CTBP2: variants seen among roughly 807,000 people sequenced by gnomAD.
CTBP2 encodes C-terminal-binding protein 2.
In CTBP2, 30 loss-of-function variants were observed where a neutral mutation model predicts 80.3. The observed-to-expected ratio is 0.37, with a 90% CI of 0.28 to 0.51. The LOEUF (loss-of-function observed/expected upper bound fraction) is 0.51, where lower values mean the gene tolerates loss of function less well. Among genes scored for constraint, CTBP2 ranks in the 20% least tolerant of loss-of-function variants. CTBP2 has a pLI of 0.93. For missense variants in CTBP2, 1,212 were observed against 1,375.3 expected (o/e 0.88, Z 1.88); for synonymous variants, 594 against 587.4 (o/e 1.01, Z -0.16).
intron 2 of CTBP2, among the ~76,000 whole-genome samples, chr10:125,098,978 T>C (rs1850191609): frequency 6.6e-6 from 1 of 152,192 alleles, no homozygotes; most frequent in Non-Finnish European, 1.5e-5. Flanking sequence ...CAAGCTCACC[T>C]GACTGAGCAT....
chr10:125,098,716 GAGAGAGAC>G (rs1850058197), intron 2 of CTBP2, among the ~76,000 whole-genome samples: 75 of 126,380 alleles, frequency 5.9e-4, no homozygotes, highest in East Asian at 1.4e-3. Context: ...GACAGAGAGA[GAGAGAGAC>G]AGAGAGAGAG....
intron 1 of CTBP2, among the ~76,000 whole-genome samples, chr10:125,135,377 A>C (rs1856828604): frequency 6.6e-6 from 1 of 152,168 alleles, no homozygotes; most frequent in South Asian, 2.1e-4. Context: ...CCCTTGAGAC[A>C]CTGGAAAGCC....
chr10:125,149,263 C>T (rs985288468), intron 1 of CTBP2, among the ~76,000 whole-genome samples: 2 of 152,208 alleles, frequency 1.3e-5, no homozygotes, highest in Non-Finnish European at 2.9e-5. Context: ...AAGCAACAGC[C>T]TCTGAGAAAG....
At chr10:124,992,195 CTCTT>C (rs1952739613) in intron 8 of CTBP2, among the ~76,000 whole-genome samples, 1 of 143,956 alleles carries the variant, frequency 6.9e-6, no homozygotes, top group South Asian at 2.2e-4. Context: ...GTATACCTTT[CTCTT>C]TGAGAAGCCC....
intron 1 of CTBP2, among the ~76,000 whole-genome samples, chr10:125,022,113 C>T (rs1957103559): frequency 2.6e-5 from 4 of 152,246 alleles, no homozygotes; most frequent in Admixed American, 2.6e-4. Context: ...TTCCATCTGC[C>T]CCACGCCGGC....
At chr10:125,071,539 C>A (rs778540462) in intron 2 of CTBP2, among the ~76,000 whole-genome samples, 2 of 152,098 alleles carry the variant, frequency 1.3e-5, no homozygotes, top group Non-Finnish European at 2.9e-5. Context: ...TGAAGTAAGA[C>A]CTGAAAGATG....
At chr10:125,152,797 A>G (rs1339562105) in intron 1 of CTBP2, among the ~76,000 whole-genome samples, 1 of 152,116 alleles carries the variant, frequency 6.6e-6, no homozygotes. Flanking sequence ...TATGGGTAGG[A>G]AATGTCAGGT....
rs74160989 is a variant in CTBP2, at chr10:124,984,664, T to C, written c.*4854A>G. 6,764 of 1,090,054 alleles carry C rather than the reference T, an allele frequency of 6.2e-3. 279 individuals carry two copies. The African/African-American group carries it at 0.093, about 15-fold the overall frequency. 67.5% of individuals were successfully genotyped at this position (1,090,054 alleles called of 1,614,324 possible). ...CAAAACCATGTGAAAAGTTGATTGC[T>C]TTGGCCTTTTCATGAGTTAGCATAC... On this transcript the variant is annotated 3_prime_UTR_variant, in exon 9 of 9. Coordinates refer to ENST00000309035, the MANE Select transcript of CTBP2 (RefSeq NM_022802.3).
At chr10:125,139,932 AGCAGACCGGTGGCCACACACATTC>A (rs1273065865) in intron 1 of CTBP2, among the ~76,000 whole-genome samples, 1 of 152,126 alleles carries the variant, frequency 6.6e-6, no homozygotes. Flanking sequence ...ACCATCCGAA[AGCAGACCGGTGGCCACACACATTC>A]GCAACTTCCA....
chr10:125,060,649 G>A (rs1964792466), intron 2 of CTBP2, among the ~76,000 whole-genome samples: 1 of 152,234 alleles, frequency 6.6e-6, no homozygotes, highest in Non-Finnish European at 1.5e-5. Context: ...TATGTGCAGG[G>A]CAGTCATGCG....
chr10:125,052,639 C>T (rs113354145), intron 2 of CTBP2, among the ~76,000 whole-genome samples: 78 of 152,312 alleles, frequency 5.1e-4, no homozygotes, highest in Middle Eastern at 3.4e-3. Context: ...CTATCAAGAA[C>T]GCCCTTGGGG....
At chr10:125,129,409 C>T (rs1855786934) in intron 1 of CTBP2, among the ~76,000 whole-genome samples, 1 of 152,138 alleles carries the variant, frequency 6.6e-6, no homozygotes, top group South Asian at 2.1e-4. Context: ...CCACTTCCCT[C>T]CCAACACTTC....
chr10:125,012,876 G>GGGATTACAGGCATGA (rs1359859750), intron 1 of CTBP2, among the ~76,000 whole-genome samples: 1 of 97,188 alleles, frequency 1.0e-5, no homozygotes, highest in Non-Finnish European at 2.3e-5. Context: ...CACCGCGCCC[G>GGGATTACAGGCATGA]GCCAAAAGAA....
At chr10:125,104,177 G>A (rs1851087401) in intron 2 of CTBP2, among the ~76,000 whole-genome samples, 1 of 152,182 alleles carries the variant, frequency 6.6e-6, no homozygotes, top group South Asian at 2.1e-4. Flanking sequence ...ATGCTCACGG[G>A]GACATTCGAT....
intron 2 of CTBP2, among the ~76,000 whole-genome samples, chr10:125,069,098 T>C (rs1845073149): frequency 6.6e-6 from 1 of 152,098 alleles, no homozygotes; most frequent in Admixed American, 6.6e-5. Context: ...GGCTGGCCTC[T>C]TCCAGGGGCC....
chr10:125,026,465 T>A lies in CTBP2; in HGVS notation c.1295A>T (p.His432Leu). The A allele has an allele frequency of 6.3e-7, 1 of 1,599,382 alleles. No homozygotes were observed. Residue 432 changes from histidine to leucine, a missense_variant, in exon 1 of 9, where the codon CAC becomes CTC. His to Leu is a moderately conservative substitution (Grantham distance 99, BLOSUM62 -3). Coordinates refer to ENST00000309035, the MANE Select transcript of CTBP2 (RefSeq NM_022802.3). ...GCTGTACCCGGAGTTGGAGGGGAAG[T>A]GTGGGGCATGGGTGCCCACGCCAGG...
At chr10:125,005,791 T>C (rs1565068931) in intron 1 of CTBP2, 1 of 1,612,314 alleles carries the variant, frequency 6.2e-7, no homozygotes, top group Admixed American at 1.7e-5. Flanking sequence ...CTGTGGGGCC[T>C]GGAAGTCCTG....
chr10:125,045,492 T>C (rs1484759880), intron 2 of CTBP2, among the ~76,000 whole-genome samples: 1 of 151,596 alleles, frequency 6.6e-6, no homozygotes, highest in African/African-American at 2.4e-5. Flanking sequence ...CCCCATACCA[T>C]GCCCTAAAGG....
At chr10:125,000,987 A>G (rs1472569728) in intron 3 of CTBP2, 1 of 152,230 alleles carries the variant, frequency 6.6e-6, no homozygotes, top group Non-Finnish European at 1.5e-5. Flanking sequence ...GATCAATGAA[A>G]ATCCACCACT....
Sources: gnomAD v4.1 joint callset for allele counts (sites outside exome capture counted in the v4.1 genomes callset) on GRCh38, gnomAD v4.1.1 for gene constraint, MANE v1.5 for transcripts, NCBI Gene and HGNC (gene_info 2026-07-23, HGNC 2026-07-21) for gene names.